SLC9C1: variants seen among roughly 807,000 people sequenced by gnomAD.
SLC9C1 encodes the protein sodium/hydrogen exchanger 10.
A neutral mutation model predicts 140.9 loss-of-function variants in SLC9C1; 97 were observed. That is an observed-to-expected ratio of 0.69 (90% confidence interval 0.58 to 0.82). The LOEUF (loss-of-function observed/expected upper bound fraction) is 0.82, where lower values mean the gene tolerates loss of function less well. Among genes scored for constraint, SLC9C1 ranks in the 40% least tolerant of loss-of-function variants. The pLI is 0.00. For missense variants in SLC9C1, 1,340 were observed against 1,389.3 expected (o/e 0.96, Z 0.56); for synonymous variants, 440 against 442.6 (o/e 0.99, Z 0.07).
intron 10 of SLC9C1, among the ~76,000 whole-genome samples, chr3:112,261,389 A>G (rs1176091254): frequency 6.6e-6 from 1 of 152,122 alleles, no homozygotes; most frequent in African/African-American, 2.4e-5. Context: ...ATAATACAAT[A>G]TACGAGGCTT....
chr3:112,200,976 TTGAGACATC>T (rs948410436), intron 18 of SLC9C1, among the ~76,000 whole-genome samples: 2 of 152,062 alleles, frequency 1.3e-5, no homozygotes, highest in African/African-American at 4.8e-5. Context: ...TAGCCCAATT[TTGAGACATC>T]TGAAGGTGAG....
rs772088159 is a variant in SLC9C1 at position 112,231,372 on chromosome 3, A to T, written c.1561T>A (p.Ser521Thr). 2 of 1,613,264 alleles carry T rather than the reference A, an allele frequency of 1.2e-6. No homozygotes were observed. Among genetic ancestry groups the T allele is most frequent in the African/African-American group, 2.7e-5 (2 of 74,906 alleles). The change falls in exon 13 of 29, where the codon TCA (serine) becomes ACA (threonine). Residue 521 changes from serine (S) to threonine (T), a missense_variant. Ser to Thr is a moderately conservative substitution (Grantham distance 58). Coordinates refer to ENST00000305815, the MANE Select transcript of SLC9C1 (RefSeq NM_183061.3). Reference protein sequence around the residue: ...AMELANRRLLSAQIASYQRQY... With the variant: ...AMELANRRLLTAQIASYQRQY... ...GAATAATACAGTACTATTTGTGCTG[A>T]CAAGAGACGCCTGTTGGCCAGCTCC... is the stretch of plus-strand genomic sequence containing the variant.
chr3:112,176,001 G>C (rs552549320), intron 23 of SLC9C1, among the ~76,000 whole-genome samples: 1 of 152,226 alleles, frequency 6.6e-6, no homozygotes, highest in Non-Finnish European at 1.5e-5. Flanking sequence ...TTAGGAGTAG[G>C]TATAGGGATC....
rs1222212248 is a variant in SLC9C1, at chr3:112,150,821, C to CAT, written c.3524+1034_3524+1035dup. Among the ~76,000 whole-genome samples, 70 of 19,898 alleles carry CAT rather than the reference C, an allele frequency of 3.5e-3. 2 individuals are homozygous for CAT. The East Asian group carries it at 0.13, about 36-fold the overall frequency. The allele number at this position is 19,898 out of a possible 152,430, so 13.1% of individuals were successfully genotyped here. ...ATATATATATATATAAATACATATA[C>CAT]ATATATATATATATATATATTTTTT... is the stretch of plus-strand genomic sequence containing the variant. On this transcript the variant is annotated intron_variant, in intron 28 of 28. Coordinates refer to ENST00000305815, the MANE Select transcript of SLC9C1 (RefSeq NM_183061.3).
chr3:112,226,323 CTTTAT>C lies in SLC9C1; in HGVS notation c.1572+5033_1572+5037del, dbSNP rs550886678. ...AAGAAAAAAAATTAAGAAGGTAATT[CTTTAT>C]TTTGAAACAAAAGTAGAAACACAAC... On this transcript the variant is annotated intron_variant, in intron 13 of 28. Transcript: ENST00000305815. Among the ~76,000 whole-genome samples the C allele has an allele frequency of 4.1e-4, 63 of 152,232 alleles. 1 individual carries two copies. In the South Asian group the frequency reaches 0.012, roughly 30 times the overall value.
chr3:112,264,187 A>G lies in SLC9C1; in HGVS notation c.1022+13T>C. 2.8e-6 allele frequency: 3 copies of G among 1,068,868 alleles called. No individual in the cohort carries two copies. The highest frequency in any genetic ancestry group is 3.7e-6 in the Non-Finnish European group (3 of 813,912). 66.2% of individuals were successfully genotyped at this position (1,068,868 alleles called of 1,614,324 possible). The stretch of plus-strand genomic sequence containing the variant: ...ATTATCTATAAATAGAAAAATTTTA[A>G]TGATGTTCTTACCTTAAAACAATCA... On this transcript the variant is annotated intron_variant, in intron 9 of 28. Coordinates refer to ENST00000305815, the MANE Select transcript of SLC9C1 (RefSeq NM_183061.3).
chr3:112,180,645 T>G lies in SLC9C1; in HGVS notation c.2667A>C (p.Val889=). The G allele has an allele frequency of 1.2e-6, 2 of 1,613,094 alleles. No individual in the cohort carries two copies. Among genetic ancestry groups the G allele is most frequent in the Non-Finnish European group, 1.7e-6 (2 of 1,179,510 alleles). Residue 889 remains valine, a synonymous_variant, in exon 22 of 29, where the codon GTA becomes GTC. Transcript: ENST00000305815. ...ATATATCATTTCCACAATCAAATGT[T>G]ACAACTTTGGCTTTTTCCTAAAAGA... ...INFIQEKAKV[V]TFDCGNDIFE... is the part of the protein sequence containing the mutation.
At chr3:112,181,452 AG>A (rs2077437573) in intron 21 of SLC9C1, among the ~76,000 whole-genome samples, 2 of 152,374 alleles carry the variant, frequency 1.3e-5, no homozygotes, top group South Asian at 4.1e-4. Context: ...ATTTAAAAAA[AG>A]AATATTAGAA....
Position 112,167,200 on chromosome 3 carries a change from G to T in SLC9C1, c.3364+21C>A, listed in dbSNP as rs1329379013. The stretch of plus-strand genomic sequence containing the variant: ...AAAGGGAAAGTAAGTTTTCACAATT[G>T]CTGAAAGAAGTCTAACTCACCTATT... On this transcript the variant is annotated intron_variant, in intron 26 of 28. Coordinates refer to ENST00000305815, the MANE Select transcript of SLC9C1 (RefSeq NM_183061.3). 6 of 1,601,506 alleles carry T rather than the reference G, an allele frequency of 3.7e-6. No homozygotes were observed. The South Asian group carries it at 5.6e-5, about 15-fold the overall frequency.
intron 5 of SLC9C1, among the ~76,000 whole-genome samples, chr3:112,275,322 A>C (rs1419028601): frequency 6.6e-6 from 1 of 152,172 alleles, no homozygotes; most frequent in African/African-American, 2.4e-5. Context: ...TAAATCAGAT[A>C]TATTTAAGGC....
Position 112,278,712 on chromosome 3 carries a change from C to A in SLC9C1, c.318+17G>T. 1.3e-6 allele frequency: 2 copies of A among 1,577,578 alleles called. No homozygotes were observed. The highest frequency in any genetic ancestry group is 1.2e-5 in the South Asian group (1 of 84,370). On this transcript the variant is annotated intron_variant, in intron 4 of 28. Transcript: ENST00000305815. ...GTGGTTCATGAATGAATGATATTAC[C>A]AAAAAAGAATGCTTACCTGCCAAAA...
intron 1 of SLC9C1, among the ~76,000 whole-genome samples, chr3:112,287,288 A>G (rs1190969186): frequency 1.3e-5 from 2 of 152,360 alleles, no homozygotes; most frequent in Non-Finnish European, 1.5e-5. Context: ...ATGTTCTGAC[A>G]GCTATTCCAA....
intron 10 of SLC9C1, among the ~76,000 whole-genome samples, chr3:112,256,002 CACAT>C (rs2079596517): frequency 6.6e-6 from 1 of 151,740 alleles, no homozygotes; most frequent in African/African-American, 2.4e-5. Flanking sequence ...AGTTCCTAGA[CACAT>C]ACATCTTTCC....
chr3:112,168,869 T>C lies in SLC9C1; in HGVS notation c.3237+8A>G, dbSNP rs903270303. On this transcript the variant is annotated splice_region_variant and intron_variant, in intron 25 of 28. Transcript: ENST00000305815. ...TTGATCTGAAGACAGGAATCAATAT[T>C]TCTTTACCTGATGGCATGTTATAGG... 4 of 1,571,238 alleles carry C rather than the reference T, an allele frequency of 2.5e-6. 1 individual carries two copies. The highest frequency in any genetic ancestry group is 8.6e-7 in the Non-Finnish European group (1 of 1,164,072).
At chr3:112,166,607 A>G (rs2077141161) in intron 26 of SLC9C1, among the ~76,000 whole-genome samples, 2 of 152,270 alleles carry the variant, frequency 1.3e-5, no homozygotes, top group African/African-American at 2.4e-5. Flanking sequence ...GGATTTTAAA[A>G]TTGATTTCTA....
At chr3:112,238,097 T>G (rs1024000059) in intron 12 of SLC9C1, among the ~76,000 whole-genome samples, 6 of 152,358 alleles carry the variant, frequency 3.9e-5, no homozygotes, top group Middle Eastern at 3.4e-3. Context: ...GGTATACCAA[T>G]CAGACGTAGA....
chr3:112,202,541 A>T (rs1173217075), intron 17 of SLC9C1, 142 bp from the exon 18 acceptor site: 3 of 747,710 alleles, frequency 4.0e-6, no homozygotes, highest in Non-Finnish European at 6.1e-6. Flanking sequence ...GTTCTTTGTT[A>T]TTTTTTTAGT....
At chr3:112,154,786 C>T (rs1434449426) in intron 27 of SLC9C1, among the ~76,000 whole-genome samples, 2 of 152,130 alleles carry the variant, frequency 1.3e-5, no homozygotes, top group Admixed American at 6.5e-5. Flanking sequence ...CCTTGAACTT[C>T]GTTTTTCTTT....
intron 28 of SLC9C1, among the ~76,000 whole-genome samples, chr3:112,142,693 T>G (rs2074667193): frequency 6.6e-6 from 1 of 152,240 alleles, no homozygotes; most frequent in Non-Finnish European, 1.5e-5. Context: ...TGATAATATA[T>G]GAAAGTATTC....
Sources: gnomAD v4.1 joint callset for allele counts (sites outside exome capture counted in the v4.1 genomes callset) on GRCh38, gnomAD v4.1.1 for gene constraint, MANE v1.5 for transcripts, NCBI Gene and HGNC (gene_info 2026-07-23, HGNC 2026-07-21) for gene names.